The following RORA variants were observed in gnomAD, a reference collection of about 807,000 sequenced individuals.
RORA encodes nuclear receptor ROR-alpha.
In RORA, 7 loss-of-function variants were observed where a neutral mutation model predicts 69.5. The observed-to-expected ratio is 0.10, with a 90% CI of 0.06 to 0.19. The LOEUF (loss-of-function observed/expected upper bound fraction) is 0.19. Among genes scored for constraint, RORA ranks in the 10% least tolerant of loss-of-function variants. The pLI, the probability that RORA is intolerant of heterozygous loss-of-function variation, is 1.00. For missense variants in RORA, 457 were observed against 663.0 expected (o/e 0.69, Z 3.41); for synonymous variants, 261 against 240.8 (o/e 1.08, Z -0.78).
At chr15:60,603,484 T>C (rs2068867658) in intron 2 of RORA, among the ~76,000 whole-genome samples, 1 of 152,210 alleles carries the variant, frequency 6.6e-6, no homozygotes, top group South Asian at 2.1e-4. Flanking sequence ...GTAGTTAAGT[T>C]CTATAAAGTT....
At chr15:60,613,584 C>T (rs1397978745) in intron 2 of RORA, among the ~76,000 whole-genome samples, 2 of 152,030 alleles carry the variant, frequency 1.3e-5, no homozygotes, top group Non-Finnish European at 2.9e-5. Context: ...ACCAGATTGC[C>T]AGGCACGTCT....
rs1226158130 is a variant in RORA at position 60,614,816 on chromosome 15, C to T, written c.196+63841G>A. 9.3e-6 allele frequency: 10 copies of T among 1,074,602 alleles called. No homozygotes were observed. The East Asian group carries it at 1.9e-4, about 21-fold the overall frequency. 66.6% of individuals were successfully genotyped at this position (1,074,602 alleles called of 1,614,324 possible). A position where few individuals can be genotyped will look rare whatever the true frequency, so the allele number is the denominator to read the frequency against. Reference sequence around the variant, plus strand: ...CATAAGGTTTAAATGAGATTATACACACGCACATGCAGACAGACACTGACA... The same window carrying T: ...CATAAGGTTTAAATGAGATTATACATACGCACATGCAGACAGACACTGACA... On this transcript the variant is annotated intron_variant, in intron 2 of 10. Transcript: ENST00000335670.
chr15:61,143,916 A>C (rs143510677), intron 1 of RORA, among the ~76,000 whole-genome samples: 1 of 152,358 alleles, frequency 6.6e-6, no homozygotes, highest in East Asian at 1.9e-4. Flanking sequence ...AAAGAAAAAA[A>C]TGATAAATTT....
chr15:60,693,344 T>C (rs527518803), intron 1 of RORA, among the ~76,000 whole-genome samples: 1 of 152,304 alleles, frequency 6.6e-6, no homozygotes, highest in East Asian at 1.9e-4. Flanking sequence ...GACAATATCA[T>C]GCTGAATGGG....
At chr15:60,984,463 T>A (rs1217712601) in intron 1 of RORA, among the ~76,000 whole-genome samples, 1 of 151,536 alleles carries the variant, frequency 6.6e-6, no homozygotes, top group Non-Finnish European at 1.5e-5. Flanking sequence ...TAATTACTAC[T>A]GACAGTTACC....
At chr15:60,587,021 T>C (rs1167786496) in intron 2 of RORA, among the ~76,000 whole-genome samples, 1 of 152,202 alleles carries the variant, frequency 6.6e-6, no homozygotes, top group East Asian at 1.9e-4. Context: ...ATTCGTAAGC[T>C]TTATACTACA....
At chr15:60,710,062 C>G (rs1464595801) in intron 1 of RORA, among the ~76,000 whole-genome samples, 1 of 152,166 alleles carries the variant, frequency 6.6e-6, no homozygotes, top group Non-Finnish European at 1.5e-5. Flanking sequence ...ACCTTGGTTT[C>G]ACTGCCTCAG....
chr15:61,219,483 G>A (rs141866573), intron 1 of RORA, among the ~76,000 whole-genome samples: 212 of 152,302 alleles, frequency 1.4e-3, no homozygotes, highest in Non-Finnish European at 2.8e-3. Flanking sequence ...GCTGAGGCAG[G>A]AGAATGGCGT....
At chr15:60,790,534 T>C (rs936193112) in intron 1 of RORA, among the ~76,000 whole-genome samples, 1 of 152,216 alleles carries the variant, frequency 6.6e-6, no homozygotes, top group African/African-American at 2.4e-5. Context: ...ACTGCAAGTC[T>C]AGAACCTGAT....
intron 1 of RORA, among the ~76,000 whole-genome samples, chr15:60,694,373 T>C (rs2553236): frequency 0.32 from 48,707 of 152,074 alleles, 8,012 homozygotes; most frequent in African/African-American, 0.37. Flanking sequence ...GCACGGAAGA[T>C]GAGCATCTGA....
chr15:61,052,493 G>A (rs1037137220), intron 1 of RORA, among the ~76,000 whole-genome samples: 1 of 152,158 alleles, frequency 6.6e-6, no homozygotes, highest in African/African-American at 2.4e-5. Flanking sequence ...ATGGCTATGT[G>A]TTTTCCGTAA....
intron 1 of RORA, among the ~76,000 whole-genome samples, chr15:60,995,951 C>T (rs1894519140): frequency 6.6e-6 from 1 of 152,064 alleles, no homozygotes; most frequent in South Asian, 2.1e-4. Context: ...TGTCCCCTTT[C>T]CAGTGATTCT....
At chr15:60,927,966 T>C (rs536047697) in intron 1 of RORA, among the ~76,000 whole-genome samples, 22 of 152,306 alleles carry the variant, frequency 1.4e-4, no homozygotes, top group Admixed American at 1.4e-3. Flanking sequence ...TGTTTTCTCC[T>C]CACCTTCCTC....
At chr15:60,693,652 G>C (rs2070861998) in intron 1 of RORA, among the ~76,000 whole-genome samples, 2 of 152,238 alleles carry the variant, frequency 1.3e-5, no homozygotes, top group South Asian at 4.1e-4. Context: ...ACCAACAGTA[G>C]ACAAGCAGAG....
At chr15:61,040,129 T>A (rs1482140584) in intron 1 of RORA, among the ~76,000 whole-genome samples, 2 of 85,154 alleles carry the variant, frequency 2.3e-5, no homozygotes, top group East Asian at 4.4e-4. Flanking sequence ...TATATATATA[T>A]ATATATATAT....
chr15:60,803,607 G>A (rs2072618230), intron 1 of RORA, among the ~76,000 whole-genome samples: 1 of 152,212 alleles, frequency 6.6e-6, no homozygotes, highest in Non-Finnish European at 1.5e-5. Context: ...CAAGTTGGAG[G>A]CCTAGCGTTG....
At chr15:60,551,551 A>G (rs556893081) in intron 2 of RORA, among the ~76,000 whole-genome samples, 20 of 152,332 alleles carry the variant, frequency 1.3e-4, no homozygotes, top group African/African-American at 3.8e-4. Context: ...ATGAAAGTTA[A>G]AAGACCTTGA....
chr15:61,029,988 C>T (rs1896063676), intron 1 of RORA, among the ~76,000 whole-genome samples: 1 of 152,102 alleles, frequency 6.6e-6, no homozygotes, highest in East Asian at 1.9e-4. Context: ...GACAGGAAGG[C>T]TTGAGACTGA....
chr15:60,582,275 C>G (rs2068215910), intron 2 of RORA, among the ~76,000 whole-genome samples: 1 of 152,064 alleles, frequency 6.6e-6, no homozygotes, highest in Non-Finnish European at 1.5e-5. Flanking sequence ...GATAGAAGGA[C>G]CTATAGCAAT....
Sources: gnomAD v4.1 joint callset for allele counts (sites outside exome capture counted in the v4.1 genomes callset) on GRCh38, gnomAD v4.1.1 for gene constraint, MANE v1.5 for transcripts, NCBI Gene and HGNC (gene_info 2026-07-23, HGNC 2026-07-21) for gene names.